Variants in ZPBP observed in about 807,000 individuals in gnomAD.
ZPBP encodes the protein zona pellucida binding protein.
A neutral mutation model predicts 44.8 loss-of-function variants in ZPBP; 26 were observed. The ratio of observed to expected loss-of-function variants is 0.58; its 90% CI spans 0.43 to 0.81. ZPBP has a LOEUF of 0.81. Among genes scored for constraint, ZPBP ranks in the 30% least tolerant of loss-of-function variants. ZPBP has a pLI of 0.00. For missense variants in ZPBP, 409 were observed against 434.0 expected (o/e 0.94, Z 0.51); for synonymous variants, 174 against 153.2 (o/e 1.14, Z -1.00).
At chr7:49,878,347 C>T (rs1791530609) in intron 2 of ZPBP, among the ~76,000 whole-genome samples, 1 of 152,138 alleles carries the variant, frequency 6.6e-6, no homozygotes, top group African/African-American at 2.4e-5. Context: ...TTCTGGGAAA[C>T]TTTTCTTTCT....
chr7:49,861,918 G>A (rs1287601983), intron 2 of ZPBP, among the ~76,000 whole-genome samples: 1 of 152,290 alleles, frequency 6.6e-6, no homozygotes, highest in African/African-American at 2.4e-5. Context: ...ATTGGGAATT[G>A]TGTGTATTTT....
intron 7 of ZPBP, among the ~76,000 whole-genome samples, chr7:49,955,501 G>A (rs911425501): frequency 6.6e-6 from 1 of 152,066 alleles, no homozygotes; most frequent in South Asian, 2.1e-4. Context: ...AGATTGCGGT[G>A]AGCTGAGATC....
At chr7:49,918,633 A>G (rs991363144) in intron 1 of ZPBP, 1 of 152,270 alleles carries the variant, frequency 6.6e-6, no homozygotes, top group African/African-American at 2.4e-5. Flanking sequence ...TGGAGCCAAG[A>G]GAAGTAAACT....
chr7:49,993,637 G>A (rs1416560822), intron 6 of ZPBP, among the ~76,000 whole-genome samples: 5 of 152,130 alleles, frequency 3.3e-5, no homozygotes, highest in Non-Finnish European at 5.9e-5. Flanking sequence ...ACTGATGAAT[G>A]GGGCCTAATG....
chr7:49,940,654 CAAAA>C, intron 7 of ZPBP: 1 of 472,498 alleles, frequency 2.1e-6, no homozygotes, highest in Non-Finnish European at 2.7e-6. Flanking sequence ...GTTCTGAATC[CAAAA>C]AAAAAAAAGC....
chr7:50,033,920 T>C (rs1799715113), intron 4 of ZPBP, among the ~76,000 whole-genome samples: 1 of 152,078 alleles, frequency 6.6e-6, no homozygotes, highest in Non-Finnish European at 1.5e-5. Context: ...CTCGAACTCC[T>C]GACCTCAGGT....
chr7:50,086,085 T>G (rs775457405), intron 2 of ZPBP, among the ~76,000 whole-genome samples: 160 of 152,236 alleles, frequency 1.1e-3, no homozygotes, highest in Non-Finnish European at 1.9e-3. Flanking sequence ...ATGAAAACTC[T>G]GTCCAATCAT....
At position 49,938,286 on chromosome 7, in the gene ZPBP, G is replaced by C. The variant is rs566964684; in HGVS notation, c.962-664C>G. On this transcript the variant is annotated intron_variant, in intron 7 of 7. Transcript: ENST00000046087. ...ATTTCAAGTCCTATTTCTACCACTT[G>C]CTAAATGTGCAATTTTGAAAATATT... Among the ~76,000 whole-genome samples, 12 of 152,192 alleles carry C rather than the reference G, an allele frequency of 7.9e-5. No homozygotes were observed. In the South Asian group the frequency reaches 2.5e-3, roughly 32 times the overall value.
chr7:49,927,380 G>A (rs1035308220), intron 1 of ZPBP, among the ~76,000 whole-genome samples: 2 of 152,148 alleles, frequency 1.3e-5, no homozygotes, highest in Non-Finnish European at 2.9e-5. Flanking sequence ...GGAAGCAAAT[G>A]TTTGCTAGTG....
intron 2 of ZPBP, among the ~76,000 whole-genome samples, chr7:49,857,897 C>A (rs753355334): frequency 6.6e-6 from 1 of 152,256 alleles, no homozygotes; most frequent in African/African-American, 2.4e-5. Flanking sequence ...GGCATCTGAG[C>A]TAAGTTTGGT....
chr7:49,845,405 TCAA>T, the ZPBP span, among the ~76,000 whole-genome samples: 1 of 152,198 alleles, frequency 6.6e-6, no homozygotes, highest in Non-Finnish European at 1.5e-5. Context: ...ATCTATAATT[TCAA>T]CAACAATGCT....
At chr7:49,904,734 T>TA (rs1196701686) in intron 1 of ZPBP, among the ~76,000 whole-genome samples, 11 of 120,724 alleles carry the variant, frequency 9.1e-5, no homozygotes, top group African/African-American at 3.3e-4. Flanking sequence ...TAGCATATAT[T>TA]AATTTTTTTT....
intron 2 of ZPBP, among the ~76,000 whole-genome samples, chr7:49,880,788 G>C (rs1791629983): frequency 6.6e-6 from 1 of 152,020 alleles, no homozygotes; most frequent in Non-Finnish European, 1.5e-5. Context: ...ATAGGCATTT[G>C]TGGCATTGGT....
chr7:49,975,085 C>A (rs954568944), intron 7 of ZPBP, among the ~76,000 whole-genome samples: 1 of 152,130 alleles, frequency 6.6e-6, no homozygotes, highest in Non-Finnish European at 1.5e-5. Flanking sequence ...TGCTTTCAGT[C>A]TGCGAAACTC....
intron 6 of ZPBP, among the ~76,000 whole-genome samples, chr7:49,985,957 C>T (rs1326099990): frequency 6.6e-6 from 1 of 152,170 alleles, no homozygotes; most frequent in Non-Finnish European, 1.5e-5. Context: ...AGTTGGGAGC[C>T]TGCTGGCAGA....
intron 1 of ZPBP, among the ~76,000 whole-genome samples, chr7:49,932,368 C>CCCA (rs1490946350): frequency 6.6e-6 from 1 of 152,230 alleles, no homozygotes; most frequent in East Asian, 1.9e-4. Context: ...GCTGTGGGAA[C>CCCA]CCACCTCTTG....
At chr7:50,045,271 T>A (rs1295959692) in intron 4 of ZPBP, among the ~76,000 whole-genome samples, 1 of 152,190 alleles carries the variant, frequency 6.6e-6, no homozygotes, top group Non-Finnish European at 1.5e-5. Flanking sequence ...ACCACTCCTA[T>A]TCAATATAGT....
chr7:49,854,866 A>G (rs1473169902), intron 2 of ZPBP, among the ~76,000 whole-genome samples: 2 of 152,218 alleles, frequency 1.3e-5, no homozygotes, highest in Non-Finnish European at 2.9e-5. Context: ...GCTGTTATCA[A>G]CCATATTTTT....
intron 4 of ZPBP, among the ~76,000 whole-genome samples, chr7:50,032,216 T>G (rs1194395197): frequency 6.6e-6 from 1 of 152,206 alleles, no homozygotes; most frequent in Non-Finnish European, 1.5e-5. Flanking sequence ...AACATGCTTT[T>G]TGTACTGATT....
Sources: allele counts gnomAD v4.1 joint callset (sites outside exome capture counted in the v4.1 genomes callset), GRCh38; gene constraint gnomAD v4.1.1; transcripts MANE v1.5; gene names NCBI Gene and HGNC (gene_info 2026-07-23, HGNC 2026-07-21).